Variants in PRDM6 observed in about 807,000 individuals in gnomAD.
PRDM6 encodes putative histone-lysine N-methyltransferase PRDM6.
PRDM6 carries 25 observed loss-of-function variants against 60.8 expected under a neutral mutation model. The observed-to-expected ratio is 0.41, with a 90% CI of 0.30 to 0.57. The LOEUF is 0.57. Ranked by LOEUF, PRDM6 falls within the 20% of genes least tolerant of loss-of-function variation. The pLI is 0.27. For synonymous variants in PRDM6, 407 were observed against 357.4 expected, an observed-to-expected ratio of 1.14 and a Z score of -1.57; for missense variants, 839 against 821.3, an observed-to-expected ratio of 1.02 and a Z score of -0.26.
chr5:123,190,713 A>C lies in PRDM6; in HGVS notation c.*3512A>C, dbSNP rs1169844883. The C allele has an allele frequency of 6.6e-6, 1 of 152,184 alleles. No homozygotes were observed. Among genetic ancestry groups the C allele is most frequent in the Non-Finnish European group, 1.5e-5 (1 of 68,026 alleles). 9.4% of individuals were successfully genotyped at this position (152,184 alleles called of 1,614,324 possible). On this transcript the variant is annotated 3_prime_UTR_variant, in exon 8 of 8. Transcript: ENST00000407847. ...AACATTTAGCAGTTCATCAATTTTT[A>C]AATCAGATGTTCATTGTTTCATTCA...
At chr5:123,120,873 C>T (rs558562999) in intron 3 of PRDM6, among the ~76,000 whole-genome samples, 11 of 152,146 alleles carry the variant, frequency 7.2e-5, no homozygotes, top group African/African-American at 2.2e-4. Flanking sequence ...CTTTTGGAGC[C>T]GTAGGTTTGG....
intron 3 of PRDM6, among the ~76,000 whole-genome samples, chr5:123,138,176 C>A (rs974370434): frequency 6.6e-6 from 1 of 152,126 alleles, no homozygotes; most frequent in Non-Finnish European, 1.5e-5. Flanking sequence ...GTTCTAACGA[C>A]TTTAAAAAAC....
At chr5:123,149,230 G>T (rs1765320706) in intron 3 of PRDM6, among the ~76,000 whole-genome samples, 1 of 152,296 alleles carries the variant, frequency 6.6e-6, no homozygotes, top group South Asian at 2.1e-4. Flanking sequence ...TGTGGTATTT[G>T]CTGTTTTCCT....
Position 123,159,607 on chromosome 5 carries a change from C to T in PRDM6, c.1122C>T (p.Ile374=). 6.4e-7 allele frequency: 1 copy of T among 1,551,556 alleles called. No individual in the cohort carries two copies. Among genetic ancestry groups the T allele is most frequent in the Non-Finnish European group, 8.7e-7 (1 of 1,146,752 alleles). ...ACAGCTATACGTCTTTCTTTGGGAT[C>T]CCCTTACAATGCATTGCCCAGGATG... The part of the protein sequence containing the change: ...YNDSYTSFFG[I]PLQCIAQDEN... The change falls in exon 5 of 8, where the codon ATC becomes ATT. Residue 374 remains isoleucine, a synonymous_variant. Coordinates refer to ENST00000407847, the MANE Select transcript of PRDM6 (RefSeq NM_001136239.4).
chr5:123,180,052 T>A, intron 6 of PRDM6, 95 bp from the exon 7 acceptor site: 1 of 1,200,808 alleles, frequency 8.3e-7, no homozygotes, highest in Non-Finnish European at 1.1e-6. Context: ...ACTGAGAAAA[T>A]GTCACCAATA....
chr5:123,151,012 G>A (rs1765358182), intron 3 of PRDM6, among the ~76,000 whole-genome samples: 2 of 152,198 alleles, frequency 1.3e-5, no homozygotes, highest in African/African-American at 4.8e-5. Context: ...TAAGCTTTGA[G>A]TAAAATCCAA....
chr5:123,158,110 C>T (rs1765547397), intron 4 of PRDM6, among the ~76,000 whole-genome samples: 1 of 152,198 alleles, frequency 6.6e-6, no homozygotes, highest in South Asian at 2.1e-4. Flanking sequence ...AGAAGACCAC[C>T]CATTGCTCGA....
At chr5:123,155,798 C>A in intron 3 of PRDM6, 86 bp from the exon 4 acceptor site, 1 of 1,446,566 alleles carries the variant, frequency 6.9e-7, no homozygotes, top group Non-Finnish European at 9.2e-7. Context: ...ATTTCTGCAG[C>A]TGACACATAA....
chr5:123,129,785 C>A (rs1349663400), intron 3 of PRDM6, among the ~76,000 whole-genome samples: 1 of 152,130 alleles, frequency 6.6e-6, no homozygotes, highest in Non-Finnish European at 1.5e-5. Flanking sequence ...ATAAATATTT[C>A]CTTTCCTTTA....
intron 3 of PRDM6, among the ~76,000 whole-genome samples, chr5:123,130,018 T>TCTC (rs1764784962): frequency 8.0e-6 from 1 of 125,738 alleles, no homozygotes; most frequent in East Asian, 3.5e-4. Flanking sequence ...CTTTTCCCTT[T>TCTC]CCCTTCCCTT....
chr5:123,105,764 A>G (rs1383842825), intron 3 of PRDM6, among the ~76,000 whole-genome samples: 1 of 152,226 alleles, frequency 6.6e-6, no homozygotes, highest in African/African-American at 2.4e-5. Context: ...GTATATTTAC[A>G]CAGGAAATAC....
chr5:123,120,212 A>G (rs1470428914), intron 3 of PRDM6, among the ~76,000 whole-genome samples: 1 of 152,260 alleles, frequency 6.6e-6, no homozygotes, highest in Non-Finnish European at 1.5e-5. Flanking sequence ...GGAAAATTTT[A>G]AAGAGGAACA....
At chr5:123,146,379 A>G (rs567465946) in intron 3 of PRDM6, among the ~76,000 whole-genome samples, 5 of 152,342 alleles carry the variant, frequency 3.3e-5, no homozygotes, top group South Asian at 2.1e-4. Context: ...GTGTCATTTT[A>G]TAGTTCTCTA....
intron 6 of PRDM6, among the ~76,000 whole-genome samples, chr5:123,172,421 C>T (rs146617019): frequency 1.2e-4 from 18 of 152,144 alleles, no homozygotes; most frequent in Admixed American, 4.6e-4. Context: ...TTTCAATAGG[C>T]GAGCCCCCTG....
intron 6 of PRDM6, among the ~76,000 whole-genome samples, chr5:123,174,007 T>C (rs1765952034): frequency 6.6e-6 from 1 of 152,252 alleles, no homozygotes; most frequent in African/African-American, 2.4e-5. Flanking sequence ...TTTATGGTTA[T>C]TATCCACGTG....
intron 3 of PRDM6, among the ~76,000 whole-genome samples, chr5:123,130,419 G>T (rs879764439): frequency 1.4e-5 from 2 of 147,296 alleles, no homozygotes; most frequent in Non-Finnish European, 3.0e-5. Flanking sequence ...GCCCTGAAAG[G>T]TTATCTTAAA....
rs538684122 is a variant in PRDM6 at position 123,146,970 on chromosome 5, G to T, written c.901-8914G>T. 2.0e-5 allele frequency among the ~76,000 whole-genome samples: 3 copies of T among 152,200 alleles called. No individual in the cohort carries two copies. In the East Asian group the frequency reaches 5.8e-4, roughly 29 times the overall value. ...AATAAAAGAAGATACAGGTTTTCTTGATTAGTTAGATATAAATGTTTACTC... is the reference window on the plus strand; with the variant it reads ...AATAAAAGAAGATACAGGTTTTCTTTATTAGTTAGATATAAATGTTTACTC... On this transcript the variant is annotated intron_variant, in intron 3 of 7. Transcript: ENST00000407847.
intron 5 of PRDM6, among the ~76,000 whole-genome samples, chr5:123,168,629 A>C (rs533198682): frequency 6.6e-6 from 1 of 152,330 alleles, no homozygotes; most frequent in Non-Finnish European, 1.5e-5. Flanking sequence ...ATTATAATGT[A>C]GTTTTTAAAG....
rs1382555384 is a variant in PRDM6, at chr5:123,155,925, T to C, written c.942T>C (p.Gly314=). The change falls in exon 4 of 8, where the codon GGT becomes GGC. Residue 314 remains glycine (G), a synonymous_variant. Coordinates refer to ENST00000407847, the MANE Select transcript of PRDM6 (RefSeq NM_001136239.4). ...QDGTLQHFID[G]GEPSKSSWMR... ...GGACACTACAGCACTTTATTGATGG[T>C]GGGGAACCTAGTAAGTCGAGCTGGA... The C allele has an allele frequency of 6.4e-7, 1 of 1,551,622 alleles. No individual in the cohort carries two copies. Among genetic ancestry groups the C allele is most frequent in the Admixed American group, 2.0e-5 (1 of 51,000 alleles).
Sources: allele counts gnomAD v4.1 joint callset (sites outside exome capture counted in the v4.1 genomes callset), GRCh38; gene constraint gnomAD v4.1.1; transcripts MANE v1.5; gene names NCBI Gene and HGNC (gene_info 2026-07-23, HGNC 2026-07-21).